The following IDE variants were observed in gnomAD, a reference collection of about 807,000 sequenced individuals.
IDE encodes insulin degrading enzyme.
IDE carries 58 observed loss-of-function variants against 133.2 expected under a neutral mutation model. The observed-to-expected ratio is 0.44, with a 90% CI of 0.35 to 0.54. The LOEUF (loss-of-function observed/expected upper bound fraction) is 0.54, where lower values mean the gene tolerates loss of function less well. Ranked by LOEUF, IDE falls within the 20% of genes least tolerant of loss-of-function variation. IDE has a pLI of 0.00. For synonymous variants in IDE, 396 were observed against 421.3 expected, an observed-to-expected ratio of 0.94 and a Z score of 0.73; for missense variants, 981 against 1,234.0, an observed-to-expected ratio of 0.79 and a Z score of 3.07.
At chr10:92,511,540 G>A (rs1190455805) in intron 5 of IDE, among the ~76,000 whole-genome samples, 1 of 152,116 alleles carries the variant, frequency 6.6e-6, no homozygotes, top group African/African-American at 2.4e-5. Flanking sequence ...TTCTTGCCTT[G>A]ATATTCTATG....
Position 92,452,609 on chromosome 10 carries a change from G to A in IDE, c.*1835C>T, listed in dbSNP as rs1844800638. ...AGATTGCTCTCAGATCTCTTCATGTGTCATTCTCATAAAAAAGACACTTAA... is the reference window on the plus strand; with the variant it reads ...AGATTGCTCTCAGATCTCTTCATGTATCATTCTCATAAAAAAGACACTTAA... On this transcript the variant is annotated 3_prime_UTR_variant, in exon 25 of 25. Coordinates refer to ENST00000265986, the MANE Select transcript of IDE (RefSeq NM_004969.4). The A allele has an allele frequency of 6.6e-6, 1 of 152,182 alleles. No homozygotes were observed. Among genetic ancestry groups the A allele is most frequent in the African/African-American group, 2.4e-5 (1 of 41,440 alleles). 9.4% of individuals were successfully genotyped at this position (152,182 alleles called of 1,614,324 possible).
At chr10:92,514,639 T>A (rs1212401370) in intron 5 of IDE, among the ~76,000 whole-genome samples, 1 of 152,170 alleles carries the variant, frequency 6.6e-6, no homozygotes, top group African/African-American at 2.4e-5. Flanking sequence ...AGGATCTTAC[T>A]ATGTTGCCCA....
intron 12 of IDE, among the ~76,000 whole-genome samples, chr10:92,488,109 CTTT>C (rs1327416643): frequency 6.6e-6 from 1 of 151,032 alleles, no homozygotes. Flanking sequence ...TTCAGTACTT[CTTT>C]TTTTCTTTTT....
chr10:92,515,047 A>G lies in IDE; in HGVS notation c.662-5T>C. The G allele has an allele frequency of 6.4e-7, 1 of 1,571,054 alleles. No individual in the cohort carries two copies. The highest frequency in any genetic ancestry group is 8.6e-7 in the Non-Finnish European group (1 of 1,160,734). ...TCTCCAGAGTATATTTGTTACCTGG[A>G]AGGGAAGAAAAGGGATTTCTTAGAA... On this transcript the variant is annotated splice_polypyrimidine_tract_variant and splice_region_variant and intron_variant, in intron 4 of 24. Transcript: ENST00000265986.
intron 18 of IDE, 79 bp from the exon 19 acceptor site, chr10:92,469,069 C>T (rs992449109): frequency 4.5e-5 from 36 of 799,504 alleles, no homozygotes; most frequent in Non-Finnish European, 7.0e-5. Flanking sequence ...CTTTGTTTAT[C>T]ATAAAAGTGG....
intron 11 of IDE, among the ~76,000 whole-genome samples, chr10:92,498,055 T>C (rs1847810380): frequency 6.6e-6 from 1 of 152,224 alleles, no homozygotes; most frequent in African/African-American, 2.4e-5. Context: ...GTACAACACT[T>C]TTTGACTTTG....
intron 1 of IDE, among the ~76,000 whole-genome samples, chr10:92,548,565 A>T (rs1453903933): frequency 6.6e-6 from 1 of 152,066 alleles, no homozygotes; most frequent in East Asian, 1.9e-4. Context: ...TTATTATAAA[A>T]TCATCATCAT....
intron 1 of IDE, among the ~76,000 whole-genome samples, chr10:92,560,652 G>A (rs995402560): frequency 1.3e-5 from 2 of 152,052 alleles, no homozygotes; most frequent in Non-Finnish European, 2.9e-5. Context: ...GCATGGTGGT[G>A]CGCACCTGTA....
chr10:92,461,264 A>C lies in IDE; in HGVS notation c.2762-12T>G. The C allele has an allele frequency of 7.6e-7, 1 of 1,315,456 alleles. No individual in the cohort carries two copies. Among genetic ancestry groups the C allele is most frequent in the Non-Finnish European group, 1.1e-6 (1 of 909,756 alleles). The allele number at this position is 1,315,456 out of a possible 1,614,324, so 81.5% of individuals were successfully genotyped here. A position where few individuals can be genotyped will look rare whatever the true frequency, so the allele number is the denominator to read the frequency against. ...AACCTCAGTGTTATCTGAAAAAGTA[A>C]TCAAACAATATTTTACTAACATTTT... On this transcript the variant is annotated splice_polypyrimidine_tract_variant and intron_variant, in intron 21 of 24. Transcript: ENST00000265986.
intron 22 of IDE, among the ~76,000 whole-genome samples, chr10:92,458,170 A>T (rs1295184072): frequency 6.6e-6 from 1 of 152,160 alleles, no homozygotes. Flanking sequence ...CAAACTATTA[A>T]TATGTTCTAA....
chr10:92,560,523 C>T (rs904484988), intron 1 of IDE, among the ~76,000 whole-genome samples: 2 of 152,164 alleles, frequency 1.3e-5, no homozygotes, highest in Admixed American at 1.3e-4. Flanking sequence ...TGGCTCACAC[C>T]TGTAATCCCA....
intron 1 of IDE, among the ~76,000 whole-genome samples, chr10:92,552,857 C>CAAAAGAAAAA (rs1842846657): frequency 2.0e-5 from 1 of 49,380 alleles, no homozygotes; most frequent in Non-Finnish European, 3.5e-5. Flanking sequence ...GACTCAGTCT[C>CAAAAGAAAAA]AAAAAAAAAA....
chr10:92,461,033 G>GT (rs1845358335), intron 22 of IDE, among the ~76,000 whole-genome samples, 158 bp downstream of exon 22: 1 of 152,104 alleles, frequency 6.6e-6, no homozygotes, highest in Admixed American at 6.5e-5. Flanking sequence ...TATAAATGGG[G>GT]TTTCACCATG....
At chr10:92,540,813 A>G (rs1842264301) in intron 1 of IDE, among the ~76,000 whole-genome samples, 1 of 152,176 alleles carries the variant, frequency 6.6e-6, no homozygotes, top group Admixed American at 6.6e-5. Flanking sequence ...ACTATAAGCT[A>G]CACTCTGTAC....
intron 13 of IDE, among the ~76,000 whole-genome samples, chr10:92,485,300 T>A (rs1006817599): frequency 6.6e-6 from 1 of 152,008 alleles, no homozygotes. Context: ...TAATTTTTTT[T>A]AGTAGAGACG....
At chr10:92,491,585 C>T (rs1457446440) in intron 11 of IDE, among the ~76,000 whole-genome samples, 4 of 149,694 alleles carry the variant, frequency 2.7e-5, no homozygotes, top group African/African-American at 4.9e-5. Context: ...TACAGGCACC[C>T]GCCACCACGC....
intron 4 of IDE, among the ~76,000 whole-genome samples, chr10:92,525,115 GC>G (rs148475491): frequency 0.021 from 3,176 of 152,074 alleles, 49 homozygotes; most frequent in Admixed American, 0.052. Context: ...ACAAAAATTA[GC>G]CAGGCGTGTG....
intron 1 of IDE, among the ~76,000 whole-genome samples, chr10:92,556,197 A>AAG (rs1554852497): frequency 6.0e-5 from 9 of 151,084 alleles, no homozygotes; most frequent in Non-Finnish European, 7.4e-5. Flanking sequence ...AAAAAAAAAA[A>AAG]AAAGAAAGAA....
chr10:92,561,748 C>T (rs1006114089), intron 1 of IDE, among the ~76,000 whole-genome samples: 4 of 150,970 alleles, frequency 2.6e-5, no homozygotes, highest in African/African-American at 7.3e-5. Flanking sequence ...GGTGACAGAG[C>T]GAGACTCCGT....
Sources: allele counts gnomAD v4.1 joint callset (sites outside exome capture counted in the v4.1 genomes callset), GRCh38; gene constraint gnomAD v4.1.1; transcripts MANE v1.5; gene names NCBI Gene and HGNC (gene_info 2026-07-23, HGNC 2026-07-21).